FOXRED2: variants seen among roughly 807,000 people sequenced by gnomAD.
FOXRED2 encodes the protein FAD-dependent oxidoreductase domain-containing protein 2.
FOXRED2 carries 32 observed loss-of-function variants against 52.5 expected under a neutral mutation model. That is an observed-to-expected ratio of 0.61 (90% CI 0.46 to 0.82). FOXRED2 has a LOEUF of 0.82. Ranked by LOEUF, FOXRED2 falls within the 40% of genes least tolerant of loss-of-function variation. The pLI is 0.00. For missense variants in FOXRED2, 848 were observed against 937.5 expected (o/e 0.90, Z 1.25); for synonymous variants, 405 against 398.1 (o/e 1.02, Z -0.21).
chr22:36,496,037 C>T lies in FOXRED2; in HGVS notation c.1554G>A (p.Gly518=), dbSNP rs1214081729. The stretch of plus-strand genomic sequence containing the variant: ...TAGACTGCCAGGCATCTTCTGTGTG[C>T]CCCACAGACCGGTCATCAAAGAAGA... The part of the protein sequence containing the change: ...KDVFFDDRSV[G]HTEDAWQSNF... Residue 518 remains glycine (G), a synonymous_variant, in exon 7 of 9, where the codon GGG becomes GGA. Transcript: ENST00000397224. The T allele has an allele frequency of 1.4e-5, 22 of 1,613,946 alleles. No individual in the cohort carries two copies. Among genetic ancestry groups the T allele is most frequent in the Non-Finnish European group, 1.7e-5 (20 of 1,179,912 alleles).
At chr22:36,492,694 T>G (rs1933787362) in intron 8 of FOXRED2, among the ~76,000 whole-genome samples, 1 of 152,140 alleles carries the variant, frequency 6.6e-6, no homozygotes, top group African/African-American at 2.4e-5. Context: ...TTTTTCTACT[T>G]TTAGTAGAAA....
chr22:36,490,016 C>T lies in FOXRED2; in HGVS notation c.2047G>A (p.Glu683Lys). The T allele has an allele frequency of 6.3e-7, 1 of 1,580,102 alleles. No homozygotes were observed. Among genetic ancestry groups the T allele is most frequent in the South Asian group, 1.1e-5 (1 of 87,560 alleles). The change falls in exon 9 of 9, where the codon GAG becomes AAG. Residue 683 changes from glutamate to lysine, a missense_variant. Coordinates refer to ENST00000397224, the MANE Select transcript of FOXRED2 (RefSeq NM_001102371.2). ...LAQSVDSNKE[E>K]L ...AGCTTAGGAAGGGACAGTCAGAGCT[C>T]CTCTTTGTTGCTATCGACGGACTGA...
rs373887109 is a variant in FOXRED2 at position 36,506,025 on chromosome 22, G to A, written c.398C>T (p.Ala133Val). ...CTGGACACGGAGCCCCAGCGTGTCC[G>A]CGAAGTCACCCAGGTAGCGCACCAT... ...RDMVRYLGDF[A>V]DTLGLRVQYN... Residue 133 changes from alanine (A) to valine (V), a missense_variant, in exon 2 of 9, where the codon GCG becomes GTG. By Grantham distance (64) the Ala-to-Val change is moderately conservative. Coordinates refer to ENST00000397224, the MANE Select transcript of FOXRED2 (RefSeq NM_001102371.2). The A allele has an allele frequency of 5.6e-6, 9 of 1,614,136 alleles. No individual in the cohort carries two copies. The African/African-American group carries it at 1.1e-4, about 19-fold the overall frequency.
intron 4 of FOXRED2, among the ~76,000 whole-genome samples, chr22:36,503,041 T>C (rs1934097644): frequency 6.6e-6 from 1 of 150,830 alleles, no homozygotes; most frequent in African/African-American, 2.4e-5. Context: ...CAGGCTGGAA[T>C]GCAGAGGCAT....
intron 5 of FOXRED2, among the ~76,000 whole-genome samples, chr22:36,500,026 C>T (rs1934003657): frequency 6.6e-6 from 1 of 152,130 alleles, no homozygotes; most frequent in Non-Finnish European, 1.5e-5. Context: ...GTCTCGAACT[C>T]CTGCCCTCAG....
At chr22:36,501,506 G>C in intron 4 of FOXRED2, 99 bp from the exon 5 acceptor site, 3 of 1,227,146 alleles carry the variant, frequency 2.4e-6, no homozygotes, top group Non-Finnish European at 3.5e-6. Context: ...TGTCGCCCAG[G>C]TTAGAGTACA....
chr22:36,496,313 G>C (rs1392228772), intron 6 of FOXRED2, 105 bp from the exon 7 acceptor site: 4 of 1,395,930 alleles, frequency 2.9e-6, no homozygotes, highest in Non-Finnish European at 3.9e-6. Flanking sequence ...CCCCCTCTAA[G>C]GAGCGTCAAT....
intron 5 of FOXRED2, among the ~76,000 whole-genome samples, chr22:36,500,214 T>G (rs2145851864): frequency 6.6e-6 from 1 of 152,296 alleles, no homozygotes; most frequent in East Asian, 1.9e-4. Flanking sequence ...GCCTTGGAGT[T>G]TAATTCCCAT....
Position 36,490,077 on chromosome 22 carries a change from C to G in FOXRED2, c.1986G>C (p.Glu662Asp). ...CTGGAGCCAGGGGGGAACCTAGTGG[C>G]TCTTGGTCGCCAAGCTGCTGGCTGC... ...EDSSQQLGDQ[E>D]PLGSPLAPGP... is the part of the protein sequence containing the mutation. Residue 662 changes from glutamate to aspartate, a missense_variant, in exon 9 of 9, where the codon GAG becomes GAC. Transcript: ENST00000397224. The G allele has an allele frequency of 6.2e-7, 1 of 1,613,572 alleles. No homozygotes were observed. Among genetic ancestry groups the G allele is most frequent in the Non-Finnish European group, 8.5e-7 (1 of 1,179,614 alleles).
intron 7 of FOXRED2, among the ~76,000 whole-genome samples, 192 bp downstream of exon 7, chr22:36,495,775 G>A (rs1275637906): frequency 6.6e-6 from 1 of 152,228 alleles, no homozygotes; most frequent in East Asian, 1.9e-4. Context: ...TGCCAGTCAC[G>A]GTATGTGTCA....
chr22:36,503,766 C>T (rs2145856534), intron 4 of FOXRED2, among the ~76,000 whole-genome samples: 1 of 152,374 alleles, frequency 6.6e-6, no homozygotes, highest in Admixed American at 6.5e-5. Flanking sequence ...ACAATTCCGG[C>T]ACCTGTGCTC....
chr22:36,505,677 A>G (rs1200129833), intron 2 of FOXRED2, among the ~76,000 whole-genome samples: 1 of 152,168 alleles, frequency 6.6e-6, no homozygotes, highest in Non-Finnish European at 1.5e-5. Flanking sequence ...AGGCTGAGGC[A>G]GGAGAATCGC....
chr22:36,503,718 C>G (rs1053925524), intron 4 of FOXRED2, among the ~76,000 whole-genome samples: 2 of 152,216 alleles, frequency 1.3e-5, no homozygotes, highest in African/African-American at 2.4e-5. Flanking sequence ...AAATAACTTC[C>G]GCCGAGGTCA....
At chr22:36,502,666 CCT>C (rs781639748) in intron 4 of FOXRED2, among the ~76,000 whole-genome samples, 9 of 151,678 alleles carry the variant, frequency 5.9e-5, no homozygotes, top group African/African-American at 1.5e-4. Context: ...TTCTTTCTCC[CCT>C]CTCTCTCCTT....
At chr22:36,491,202 G>A (rs1277023529) in intron 8 of FOXRED2, among the ~76,000 whole-genome samples, 1 of 151,992 alleles carries the variant, frequency 6.6e-6, no homozygotes, top group Non-Finnish European at 1.5e-5. Context: ...ACAACCAAAA[G>A]AAGCCATGCA....
At chr22:36,501,777 AGTGGCACTTATTACT>A (rs1475646472) in intron 4 of FOXRED2, among the ~76,000 whole-genome samples, 1 of 152,108 alleles carries the variant, frequency 6.6e-6, no homozygotes, top group Non-Finnish European at 1.5e-5. Context: ...CACTTATTAC[AGTGGCACTTATTACT>A]GGCACTGAGT....
chr22:36,498,164 A>G lies in FOXRED2; in HGVS notation c.1217-8T>C, dbSNP rs749678852. The G allele has an allele frequency of 6.2e-7, 1 of 1,607,728 alleles. No homozygotes were observed. On this transcript the variant is annotated splice_polypyrimidine_tract_variant and splice_region_variant and intron_variant, in intron 5 of 8. Transcript: ENST00000397224. Reference sequence around the variant, plus strand: ...GCCGGTGAACAGCACGCACTGGAACAGCCAGAGGGAGGAACGGCACGCTGC... The same window carrying G: ...GCCGGTGAACAGCACGCACTGGAACGGCCAGAGGGAGGAACGGCACGCTGC...
rs1261500729 is a variant in FOXRED2 at position 36,506,458 on chromosome 22, G to A, written c.-1-35C>T. ...ATCAGAGGGGTAAGGCCTCGCACCC[G>A]GCCCGGCGGCTGGGAGACACGAGGC... On this transcript the variant is annotated intron_variant, in intron 1 of 8. Coordinates refer to ENST00000397224, the MANE Select transcript of FOXRED2 (RefSeq NM_001102371.2). 3.5e-6 allele frequency: 5 copies of A among 1,415,944 alleles called. No homozygotes were observed. The African/African-American group carries it at 4.4e-5, about 12-fold the overall frequency. The allele number at this position is 1,415,944 out of a possible 1,614,324, so 87.7% of individuals were successfully genotyped here. A position where few individuals can be genotyped will look rare whatever the true frequency, so the allele number is the denominator to read the frequency against.
chr22:36,495,214 C>G (rs1233292283), intron 7 of FOXRED2, among the ~76,000 whole-genome samples: 1 of 152,100 alleles, frequency 6.6e-6, no homozygotes, highest in Non-Finnish European at 1.5e-5. Flanking sequence ...TTGCCTTGGT[C>G]TCTCAAAGTG....
Sources: gnomAD v4.1 joint callset for allele counts (sites outside exome capture counted in the v4.1 genomes callset) on GRCh38, gnomAD v4.1.1 for gene constraint, MANE v1.5 for transcripts, NCBI Gene and HGNC (gene_info 2026-07-23, HGNC 2026-07-21) for gene names.